RGS3: variants seen among roughly 807,000 people sequenced by gnomAD.
RGS3 encodes the protein regulator of G-protein signalling 3.
A neutral mutation model predicts 132.6 loss-of-function variants in RGS3; 80 were observed. That is an observed-to-expected ratio of 0.60 (90% CI 0.50 to 0.73). The LOEUF (loss-of-function observed/expected upper bound fraction) is 0.73, where lower values mean the gene tolerates loss of function less well. RGS3 is among the 30% of genes least tolerant of loss of function. RGS3 has a pLI of 0.00. For synonymous variants in RGS3, 598 were observed against 620.6 expected (o/e 0.96, Z 0.54); for missense variants, 1,382 against 1,530.8 (o/e 0.90, Z 1.62).
intron 7 of RGS3, among the ~76,000 whole-genome samples, chr9:113,487,020 G>A (rs1375520625): frequency 6.7e-6 from 1 of 148,558 alleles, no homozygotes; most frequent in Non-Finnish European, 1.5e-5. Context: ...GGAGGGGGAC[G>A]TCATGTTAAT....
At chr9:113,462,347 C>T in intron 3 of RGS3, 1 of 633,708 alleles carries the variant, frequency 1.6e-6, no homozygotes, top group Admixed American at 3.2e-5. Context: ...GGCAGGACTT[C>T]ACGAAGTGCC....
chr9:113,536,629 C>G (rs1832688168), intron 18 of RGS3, 167 bp from the exon 17 acceptor site: 9 of 1,462,552 alleles, frequency 6.2e-6, no homozygotes, highest in Non-Finnish European at 8.1e-6. Context: ...GCGCCTCTGG[C>G]TGCCTCAATG....
chr9:113,467,667 A>G (rs1829690495), intron 3 of RGS3, among the ~76,000 whole-genome samples: 1 of 151,902 alleles, frequency 6.6e-6, no homozygotes, highest in African/African-American at 2.4e-5. Flanking sequence ...TTTTCTCTCT[A>G]TCTGTGGGTT....
intron 3 of RGS3, among the ~76,000 whole-genome samples, chr9:113,476,944 T>G (rs929407254): frequency 3.3e-5 from 5 of 152,110 alleles, no homozygotes; most frequent in African/African-American, 1.2e-4. Flanking sequence ...GGTAGTAGTT[T>G]CAGAAAAAAT....
intron 13 of RGS3, among the ~76,000 whole-genome samples, chr9:113,508,231 G>A (rs945571812): frequency 3.3e-5 from 5 of 152,204 alleles, no homozygotes; most frequent in Non-Finnish European, 7.3e-5. Context: ...ACTTTAGGGC[G>A]TGGTTGGTAC....
Position 113,463,113 on chromosome 9 carries a change from A to G in RGS3, c.415+912A>G, listed in dbSNP as rs1429763365. Reference sequence around the variant, plus strand: ...GGCTGTGGGCCTGTCCTGCTGTCCGATGGCATCAGGCTGTGGGACGGGGGG... The same window carrying G: ...GGCTGTGGGCCTGTCCTGCTGTCCGGTGGCATCAGGCTGTGGGACGGGGGG... On this transcript the variant is annotated intron_variant, in intron 3 of 24. Transcript: ENST00000350696. The surrounding 1 kb of genome is among the most constrained non-coding windows in gnomAD (Gnocchi z 4.6). Among the ~76,000 whole-genome samples, 1 of 152,068 alleles carries G rather than the reference A, an allele frequency of 6.6e-6. No homozygotes were observed. Among genetic ancestry groups the G allele is most frequent in the Non-Finnish European group, 1.5e-5 (1 of 68,012 alleles).
At chr9:113,479,769 A>G (rs932750982) in intron 4 of RGS3, among the ~76,000 whole-genome samples, 9 of 152,122 alleles carry the variant, frequency 5.9e-5, no homozygotes, top group African/African-American at 2.2e-4. Flanking sequence ...GACCTTTCTC[A>G]TTGACAGGCT....
At chr9:113,461,769 G>A (rs1829475170) in exon 2 of RGS3, 2 of 1,614,110 alleles carry the variant, frequency 1.2e-6, no homozygotes, top group African/African-American at 2.7e-5. Context: ...CCTGAGTGTT[G>A]TACCTGCAGG....
chr9:113,477,306 C>A (rs1191792189), intron 3 of RGS3, among the ~76,000 whole-genome samples: 1 of 152,132 alleles, frequency 6.6e-6, no homozygotes. Flanking sequence ...AAACAGGATT[C>A]CTGGGCTTCT....
intron 10 of RGS3, chr9:113,501,392 G>A (rs1830884866): frequency 7.1e-7 from 1 of 1,412,110 alleles, no homozygotes; most frequent in Non-Finnish European, 9.3e-7. Flanking sequence ...AAGCCTTCGG[G>A]CTTATCGTGC....
chr9:113,482,984 T>C (rs781703757), intron 4 of RGS3, 75 bp from the exon 3 acceptor site: 15 of 1,610,504 alleles, frequency 9.3e-6, no homozygotes, highest in African/African-American at 1.3e-5. Flanking sequence ...GATATGTCTA[T>C]GTGTGTCTCT....
intron 19 of RGS3, among the ~76,000 whole-genome samples, chr9:113,552,249 T>C (rs1423093011): frequency 6.6e-6 from 1 of 152,208 alleles, no homozygotes; most frequent in Non-Finnish European, 1.5e-5. Context: ...TTATGCATTA[T>C]ATTAGGACAA....
chr9:113,486,655 A>C (rs889631335), intron 7 of RGS3, among the ~76,000 whole-genome samples: 1 of 152,224 alleles, frequency 6.6e-6, no homozygotes, highest in African/African-American at 2.4e-5. Context: ...TTTGCGGAGC[A>C]ATCACATCAC....
At chr9:113,510,301 A>G (rs1249972448) in intron 14 of RGS3, among the ~76,000 whole-genome samples, 2 of 152,266 alleles carry the variant, frequency 1.3e-5, no homozygotes, top group Admixed American at 1.3e-4. Context: ...TATTCCATCA[A>G]TGATGAGTTT....
intron 19 of RGS3, among the ~76,000 whole-genome samples, chr9:113,543,531 T>C (rs1832987787): frequency 6.6e-6 from 1 of 152,186 alleles, no homozygotes; most frequent in African/African-American, 2.4e-5. Context: ...GGGGGGGATT[T>C]GTGAGAGGCT....
At chr9:113,543,890 G>A (rs1246726937) in intron 19 of RGS3, among the ~76,000 whole-genome samples, 2 of 152,208 alleles carry the variant, frequency 1.3e-5, no homozygotes, top group Admixed American at 1.3e-4. Context: ...CCTGGGCAGT[G>A]ACTGTGGTGA....
At position 113,506,212 on chromosome 9, in the gene RGS3, C is replaced by G. The variant is rs550687251; in HGVS notation, c.980-176C>G. On this transcript the variant is annotated intron_variant, in intron 11 of 24. Coordinates refer to ENST00000350696, the Ensembl canonical transcript of RGS3. This position sits in a 1 kb window ranked among gnomAD's most constrained non-coding sequence, Gnocchi z 4.7. ...AGGGAGAAGGGAAGGCAAAGGGATG[C>G]CTTCTTTCAAGGCTCTTGAGAGGCA... is the stretch of plus-strand genomic sequence containing the variant. Among the ~76,000 whole-genome samples, 12 of 152,026 alleles carry G rather than the reference C, an allele frequency of 7.9e-5. No individual in the cohort carries two copies. The highest frequency in any genetic ancestry group is 2.9e-4 in the African/African-American group (12 of 41,460).
chr9:113,572,750 T>C (rs927065947), intron 19 of RGS3, among the ~76,000 whole-genome samples: 1 of 152,230 alleles, frequency 6.6e-6, no homozygotes, highest in Non-Finnish European at 1.5e-5. Flanking sequence ...ACAGACATGC[T>C]GGGAAGAGCA....
At chr9:113,502,164 G>T (rs183104100) in intron 10 of RGS3, among the ~76,000 whole-genome samples, 1 of 152,274 alleles carries the variant, frequency 6.6e-6, no homozygotes, top group Non-Finnish European at 1.5e-5. Flanking sequence ...TGAGGGTTTG[G>T]CCTCTTAGCC....
Sources: gnomAD v4.1 joint callset for allele counts (sites outside exome capture counted in the v4.1 genomes callset) on GRCh38, gnomAD v4.1.1 for gene constraint, Gnocchi (gnomAD v3.1) non-coding constraint, MANE v1.5 for transcripts, NCBI Gene and HGNC (gene_info 2026-07-23, HGNC 2026-07-21) for gene names.